ITGAM: variants seen among roughly 807,000 people sequenced by gnomAD.
ITGAM encodes the protein integrin subunit alpha M, also known as integrin alpha-M.
Under a neutral mutation model 137.5 loss-of-function variants are expected in ITGAM, and 79 were observed. The observed-to-expected ratio is 0.57, with a 90% CI of 0.48 to 0.69. ITGAM has a LOEUF of 0.69. ITGAM is among the 30% of genes least tolerant of loss of function. The pLI, the probability that ITGAM is intolerant of heterozygous loss-of-function variation, is 0.00. For synonymous variants in ITGAM, 583 were observed against 592.3 expected (o/e 0.98, Z 0.23); for missense variants, 1,343 against 1,483.5 (o/e 0.91, Z 1.56).
chr16:31,328,318 G>A, intron 23 of ITGAM, 88 bp downstream of exon 23: 2 of 1,004,744 alleles, frequency 2.0e-6, no homozygotes, highest in Admixed American at 3.4e-5. Flanking sequence ...CTGTGCATGT[G>A]TGTGTGTGTG....
rs375364353 is a variant in ITGAM, at chr16:31,325,019, T to G, written c.2351T>G (p.Phe784Cys). Residue 784 changes from phenylalanine (F) to cysteine (C), a missense_variant, in exon 19 of 30, where the codon TTC becomes TGC. Transcript: ENST00000544665. ...TGCCAGGATGACCTCAGCATCACCT[T>G]CAGTTTCATGAGGTGAGTTTCCTTT... The part of the protein sequence containing the change: ...NICQDDLSIT[F>C]SFMSLDCLVV... 5 of 1,612,088 alleles carry G rather than the reference T, an allele frequency of 3.1e-6. No individual in the cohort carries two copies. In the African/African-American group the frequency reaches 5.3e-5, roughly 17 times the overall value.
In ITGAM at chr16:31,295,492, T is replaced by G. The variant is rs142649106; in HGVS notation, c.1357-2022T>G. 3.5e-3 allele frequency among the ~76,000 whole-genome samples: 531 copies of G among 151,992 alleles called. 5 individuals carry two copies. The highest frequency in any genetic ancestry group is 0.012 in the African/African-American group (505 of 41,520). ...GTTTCTTGATTTCTTTTTCAGATAG[T>G]TCATTGTTAGTGTATAGAAGCACTA... On this transcript the variant is annotated intron_variant, in intron 12 of 29. Transcript: ENST00000544665.
In ITGAM at chr16:31,266,738, A is replaced by G. The variant is rs116022087; in HGVS notation, c.427+591A>G. Among the ~76,000 whole-genome samples, 587 of 152,118 alleles carry G rather than the reference A, an allele frequency of 3.9e-3. 1 individual carries two copies. Among genetic ancestry groups the G allele is most frequent in the African/African-American group, 0.013 (551 of 41,504 alleles). On this transcript the variant is annotated intron_variant, in intron 5 of 29. Coordinates refer to ENST00000544665, the MANE Select transcript of ITGAM (RefSeq NM_000632.4). The stretch of plus-strand genomic sequence containing the variant: ...AAAATAAGTCCAGGTCACACTGCAG[A>G]GGAGGGGATGGTGCAAGGTGTCATT...
At chr16:31,260,854 A>G (rs1159743278) in intron 1 of ITGAM, among the ~76,000 whole-genome samples, 1 of 152,204 alleles carries the variant, frequency 6.6e-6, no homozygotes. Context: ...CTGATAATCG[A>G]TTTGATGATA....
Position 31,307,854 on chromosome 16 carries a change from T to G in ITGAM, c.1707+9900T>G, listed in dbSNP as rs1321851396. On this transcript the variant is annotated intron_variant, in intron 14 of 29. Coordinates refer to ENST00000544665, the MANE Select transcript of ITGAM (RefSeq NM_000632.4). ...CCTAATTTATGGAGAGTTTTTAGCATGAAGGGTTGTTGAATTTTGTCAAAG... is the reference window on the plus strand; with the variant it reads ...CCTAATTTATGGAGAGTTTTTAGCAGGAAGGGTTGTTGAATTTTGTCAAAG... Among the ~76,000 whole-genome samples, 14 of 152,198 alleles carry G rather than the reference T, an allele frequency of 9.2e-5. No homozygotes were observed. The East Asian group carries it at 2.7e-3, about 29-fold the overall frequency.
chr16:31,277,172 C>T, intron 11 of ITGAM, 123 bp downstream of exon 11: 1 of 803,666 alleles, frequency 1.2e-6, no homozygotes, highest in Non-Finnish European at 1.8e-6. Flanking sequence ...CTATTAGTCT[C>T]TTGGGATAGC....
Position 31,265,570 on chromosome 16 carries a change from G to A in ITGAM, c.238+72G>A, listed in dbSNP as rs4889643. 0.013 allele frequency: 13,471 copies of A among 1,023,512 alleles called. 1,154 individuals carry two copies. In the African/African-American group the frequency reaches 0.19, roughly 14 times the overall value. The allele number at this position is 1,023,512 out of a possible 1,614,324, so 63.4% of individuals were successfully genotyped here. A position where few individuals can be genotyped will look rare whatever the true frequency, so the allele number is the denominator to read the frequency against. ...ACATAGGGACTTTCCAGGCACTCCT[G>A]TGTCCTGGGGATCTGTGGTGGGGAC... is the stretch of plus-strand genomic sequence containing the variant. On this transcript the variant is annotated intron_variant, in intron 3 of 29. Transcript: ENST00000544665.
intron 22 of ITGAM, 75 bp from the exon 23 acceptor site, chr16:31,328,072 G>T: frequency 9.1e-7 from 1 of 1,098,172 alleles, no homozygotes; most frequent in South Asian, 1.2e-5. Context: ...TGGAGGCAGG[G>T]AGTGAGGGAG....
intron 2 of ITGAM, among the ~76,000 whole-genome samples, 187 bp downstream of exon 2, chr16:31,261,984 C>A (rs892487192): frequency 1.3e-5 from 2 of 152,034 alleles, no homozygotes; most frequent in African/African-American, 4.8e-5. Flanking sequence ...GAGTAAAAAT[C>A]TCTTCCTTAC....
intron 12 of ITGAM, among the ~76,000 whole-genome samples, chr16:31,290,157 G>C (rs7190018): frequency 2.0e-5 from 3 of 151,462 alleles, no homozygotes; most frequent in Non-Finnish European, 4.4e-5. Context: ...CTTAGAAAAG[G>C]GGAACAAAGC....
rs1293277916 is a variant in ITGAM at position 31,332,187 on chromosome 16, A to G, written c.*480A>G. ...TTTCCTCCGGGAGAGGGGACGGTCA[A>G]TCCTGTGGGTGAAGACAGAGGGAAA... On this transcript the variant is annotated 3_prime_UTR_variant, in exon 30 of 30. Transcript: ENST00000544665. 1 of 154,852 alleles carries G rather than the reference A, an allele frequency of 6.5e-6. No individual in the cohort carries two copies. Among genetic ancestry groups the G allele is most frequent in the Non-Finnish European group, 1.4e-5 (1 of 69,786 alleles). The allele number at this position is 154,852 out of a possible 1,614,324, so 9.6% of individuals were successfully genotyped here.
intron 12 of ITGAM, among the ~76,000 whole-genome samples, chr16:31,286,567 G>A (rs1353919685): frequency 1.3e-5 from 2 of 152,018 alleles, no homozygotes; most frequent in Non-Finnish European, 1.5e-5. Context: ...ATCTCATTGT[G>A]GTTTATGATT....
Position 31,277,054 on chromosome 16 carries a change from G to A in ITGAM, c.1213+5G>A, listed in dbSNP as rs1419637565. The A allele has an allele frequency of 6.2e-7, 1 of 1,608,472 alleles. No individual in the cohort carries two copies. The highest frequency in any genetic ancestry group is 2.2e-5 in the East Asian group (1 of 44,830). ...ACATGAATGATGCTTACTTGGGTAA[G>A]TGGGGAGGGCAAGGGTTACTCTAAG... On this transcript the variant is annotated splice_donor_5th_base_variant and intron_variant, in intron 11 of 29. Transcript: ENST00000544665.
At chr16:31,305,243 G>A (rs1275728435) in intron 14 of ITGAM, among the ~76,000 whole-genome samples, 1 of 152,088 alleles carries the variant, frequency 6.6e-6, no homozygotes, top group Admixed American at 6.6e-5. Flanking sequence ...TTGAGTTCTT[G>A]ATTTGATTCT....
At position 31,330,146 on chromosome 16, in the gene ITGAM, T is replaced by C. The variant is rs780192364; in HGVS notation, c.3042T>C (p.Leu1014=). The C allele has an allele frequency of 1.2e-6, 2 of 1,613,636 alleles. No individual in the cohort carries two copies. The highest frequency in any genetic ancestry group is 2.2e-5 in the South Asian group (2 of 91,014). ...LPSHSDFLAE[L]RKAPVVNCSI... Reference sequence around the variant, plus strand: ...CTCACTCCGACTTTCTGGCTGAGCTTCGGAAGGCCCCCGTGGTGGTGAGAA... The same window carrying C: ...CTCACTCCGACTTTCTGGCTGAGCTCCGGAAGGCCCCCGTGGTGGTGAGAA... Residue 1014 remains leucine, a synonymous_variant, in exon 26 of 30, where the codon CTT becomes CTC. Transcript: ENST00000544665.
At chr16:31,299,895 G>A (rs1033204694) in intron 14 of ITGAM, among the ~76,000 whole-genome samples, 4 of 142,986 alleles carry the variant, frequency 2.8e-5, no homozygotes, top group Admixed American at 7.7e-5. Context: ...GTCTTGTTCT[G>A]TCACACAGGC....
At chr16:31,303,668 A>G (rs940642128) in intron 14 of ITGAM, among the ~76,000 whole-genome samples, 1 of 152,086 alleles carries the variant, frequency 6.6e-6, no homozygotes, top group Non-Finnish European at 1.5e-5. Context: ...GCATCCTTAT[A>G]GTTTAGCTCC....
At chr16:31,319,818 C>CT (rs563805517) in intron 14 of ITGAM, among the ~76,000 whole-genome samples, 8,425 of 145,354 alleles carry the variant, frequency 0.058, 821 homozygotes, top group African/African-American at 0.2. Context: ...TCTTTTTGTA[C>CT]TTTTTTTTTT....
In ITGAM at chr16:31,332,440, G is replaced by A. The variant is rs927750503; in HGVS notation, c.*733G>A. 5 of 152,214 alleles carry A rather than the reference G, an allele frequency of 3.3e-5. No homozygotes were observed. Among genetic ancestry groups the A allele is most frequent in the African/African-American group, 9.6e-5 (4 of 41,460 alleles). The allele number at this position is 152,214 out of a possible 1,614,324, so 9.4% of individuals were successfully genotyped here. On this transcript the variant is annotated 3_prime_UTR_variant, in exon 30 of 30. Transcript: ENST00000544665. Reference sequence around the variant, plus strand: ...TCAATGTGACTTTAATTTTTTGGATGGATAAGCTTGTCTATGGTACAAAAA... The same window carrying A: ...TCAATGTGACTTTAATTTTTTGGATAGATAAGCTTGTCTATGGTACAAAAA...
Sources: gnomAD v4.1 joint callset for allele counts (sites outside exome capture counted in the v4.1 genomes callset) on GRCh38, gnomAD v4.1.1 for gene constraint, MANE v1.5 for transcripts, NCBI Gene and HGNC (gene_info 2026-07-23, HGNC 2026-07-21) for gene names.